Variants in GLI2 observed in about 807,000 individuals in gnomAD.
GLI2 encodes the protein transcription activator GLI2.
Under a neutral mutation model 78.9 loss-of-function variants are expected in GLI2, and 22 were observed. The ratio of observed to expected loss-of-function variants is 0.28; its 90% CI spans 0.20 to 0.40. The LOEUF is 0.40. Among genes scored for constraint, GLI2 ranks in the 10% least tolerant of loss-of-function variants. The pLI is 1.00. For missense variants in GLI2, 2,097 were observed against 2,213.2 expected, an observed-to-expected ratio of 0.95 and a Z score of 1.05; for synonymous variants, 974 against 963.7, an observed-to-expected ratio of 1.01 and a Z score of -0.20.
intron 3 of GLI2, among the ~76,000 whole-genome samples, chr2:120,935,624 G>C (rs1245360659): frequency 6.6e-6 from 1 of 152,130 alleles, no homozygotes; most frequent in Non-Finnish European, 1.5e-5. Flanking sequence ...CTTGATAATT[G>C]GGGAAACCGA....
chr2:120,783,516 T>C (rs894569156), intron 1 of GLI2, among the ~76,000 whole-genome samples: 1 of 152,020 alleles, frequency 6.6e-6, no homozygotes, highest in Non-Finnish European at 1.5e-5. Context: ...AGAGGCTTGA[T>C]TGATTGTGTC....
chr2:120,880,989 C>T (rs1215398159), intron 2 of GLI2, among the ~76,000 whole-genome samples: 1 of 152,304 alleles, frequency 6.6e-6, no homozygotes, highest in Non-Finnish European at 1.5e-5. Context: ...AGGCAGCACC[C>T]CCTGTTACCA....
intron 2 of GLI2, among the ~76,000 whole-genome samples, chr2:120,827,696 A>G (rs190774588): frequency 3.9e-5 from 6 of 152,382 alleles, no homozygotes; most frequent in Admixed American, 3.3e-4. Context: ...GAGGGCTGTT[A>G]TGCAGCCTTA....
chr2:120,856,824 C>T (rs1268924840), intron 2 of GLI2, among the ~76,000 whole-genome samples: 1 of 152,104 alleles, frequency 6.6e-6, no homozygotes, highest in Non-Finnish European at 1.5e-5. Context: ...GGGATAAAAT[C>T]CAGACGGAAA....
At chr2:120,959,692 C>T (rs1445632664) in intron 5 of GLI2, among the ~76,000 whole-genome samples, 1 of 152,142 alleles carries the variant, frequency 6.6e-6, no homozygotes, top group African/African-American at 2.4e-5. Context: ...CCCCTCCCCT[C>T]CCGTGAACCA....
chr2:120,970,613 G>T lies in GLI2; in HGVS notation c.1059+7G>T. On this transcript the variant is annotated splice_region_variant and intron_variant, in intron 7 of 13. Coordinates refer to ENST00000361492, the MANE Select transcript of GLI2 (RefSeq NM_001374353.1). ...TCTGAGTGACACCAACCAGGTAGGT[G>T]GGTGCAGGGGCCAGGATGGCCACTG... 6.2e-7 allele frequency: 1 copy of T among 1,610,792 alleles called. No individual in the cohort carries two copies. Among genetic ancestry groups the T allele is most frequent in the South Asian group, 1.1e-5 (1 of 90,976 alleles).
rs1028637479 is a variant in GLI2, at chr2:120,800,328, G to A, written c.148+2860G>A. ...TCTGAGGCCTGTTTGCTGGGGGCAG[G>A]AGCAGACTGAGTCGACTCCCCTGTT... On this transcript the variant is annotated intron_variant, in intron 2 of 13. Coordinates refer to ENST00000361492, the MANE Select transcript of GLI2 (RefSeq NM_001374353.1). The surrounding 1 kb of genome is among the most constrained non-coding windows in gnomAD (Gnocchi z 4.1). Among the ~76,000 whole-genome samples the A allele has an allele frequency of 1.8e-4, 28 of 152,184 alleles. No homozygotes were observed. The highest frequency in any genetic ancestry group is 6.8e-3 in the Middle Eastern group (2 of 294).
chr2:120,899,125 G>C (rs924108290), intron 2 of GLI2, among the ~76,000 whole-genome samples: 1 of 152,144 alleles, frequency 6.6e-6, no homozygotes, highest in Non-Finnish European at 1.5e-5. Context: ...CCTGCACCCC[G>C]CCAGGAGAGC....
At chr2:120,799,715 G>C (rs1257005746) in intron 2 of GLI2, among the ~76,000 whole-genome samples, 1 of 152,158 alleles carries the variant, frequency 6.6e-6, no homozygotes, top group East Asian at 1.9e-4. Context: ...TTGGAACTTC[G>C]GGTCTTCCTT....
At chr2:120,750,015 C>A (rs1682815411) in intron 1 of GLI2, among the ~76,000 whole-genome samples, 1 of 152,250 alleles carries the variant, frequency 6.6e-6, no homozygotes, top group African/African-American at 2.4e-5. Flanking sequence ...GCTCCCTCTC[C>A]TCCCTGGGGT....
chr2:120,946,821 G>A (rs1006489618), intron 3 of GLI2, among the ~76,000 whole-genome samples: 1 of 152,256 alleles, frequency 6.6e-6, no homozygotes, highest in African/African-American at 2.4e-5. Flanking sequence ...CTGCTGTGTG[G>A]TTTGGCAATG....
chr2:120,879,687 AC>A (rs1677018116), intron 2 of GLI2, among the ~76,000 whole-genome samples: 1 of 152,330 alleles, frequency 6.6e-6, no homozygotes, highest in East Asian at 1.9e-4. Flanking sequence ...GGCTGGAGTC[AC>A]TTAACGGCTG....
chr2:120,893,828 G>T (rs924193923), intron 2 of GLI2, among the ~76,000 whole-genome samples: 2 of 152,180 alleles, frequency 1.3e-5, no homozygotes, highest in African/African-American at 4.8e-5. Flanking sequence ...AGTGCATTCT[G>T]CCTCCTTAGT....
chr2:120,909,979 G>A (rs1678734452), intron 2 of GLI2, among the ~76,000 whole-genome samples: 1 of 152,238 alleles, frequency 6.6e-6, no homozygotes, highest in African/African-American at 2.4e-5. Context: ...AGGGACCGAT[G>A]ACTGAAGCCA....
At chr2:120,840,221 T>C (rs1441248008) in intron 2 of GLI2, among the ~76,000 whole-genome samples, 1 of 152,266 alleles carries the variant, frequency 6.6e-6, no homozygotes, top group Non-Finnish European at 1.5e-5. Context: ...CTTCAAATTA[T>C]GCCTTTCCCC....
At chr2:120,858,371 A>G (rs1476062501) in intron 2 of GLI2, among the ~76,000 whole-genome samples, 2 of 152,268 alleles carry the variant, frequency 1.3e-5, no homozygotes, top group South Asian at 2.1e-4. Flanking sequence ...TGCCCCCGCC[A>G]TGTCCATAGA....
chr2:120,822,029 G>T (rs4848638), intron 2 of GLI2, among the ~76,000 whole-genome samples: 1 of 152,114 alleles, frequency 6.6e-6, no homozygotes, highest in African/African-American at 2.4e-5. Flanking sequence ...TGACATGGAG[G>T]TGAGGCTGTG....
Position 120,914,874 on chromosome 2 carries a change from G to T in GLI2, c.149-12487G>T, listed in dbSNP as rs1303662287. ...TGAGTCAGCAATCAAGCCAGACTTGGCTGTGGCACTGGCGGCAGCCTCAGC... is the reference window on the plus strand; with the variant it reads ...TGAGTCAGCAATCAAGCCAGACTTGTCTGTGGCACTGGCGGCAGCCTCAGC... On this transcript the variant is annotated intron_variant, in intron 2 of 13. Transcript: ENST00000361492. 2.0e-5 allele frequency among the ~76,000 whole-genome samples: 3 copies of T among 152,248 alleles called. No individual in the cohort carries two copies. In the East Asian group the frequency reaches 5.8e-4, roughly 29 times the overall value.
At chr2:120,913,181 T>C (rs277524) in intron 2 of GLI2, among the ~76,000 whole-genome samples, 104,779 of 152,056 alleles carry the variant, frequency 0.69, 36,304 homozygotes, top group Middle Eastern at 0.82. Flanking sequence ...ACTAGAATTC[T>C]GAAGCAGTGG....
Sources: gnomAD v4.1 joint callset for allele counts (sites outside exome capture counted in the v4.1 genomes callset) on GRCh38, gnomAD v4.1.1 for gene constraint, Gnocchi (gnomAD v3.1) non-coding constraint, MANE v1.5 for transcripts, NCBI Gene and HGNC (gene_info 2026-07-23, HGNC 2026-07-21) for gene names.